MYO7A: variants seen among roughly 807,000 people sequenced by gnomAD.
The protein encoded by MYO7A is myosin VIIA.
Under a neutral mutation model 263.8 loss-of-function variants are expected in MYO7A, and 210 were observed. The observed-to-expected ratio is 0.80, with a 90% CI of 0.71 to 0.89. MYO7A has a LOEUF of 0.89. Ranked by LOEUF, MYO7A falls within the 40% of genes least tolerant of loss-of-function variation. The probability of loss-of-function intolerance (pLI) is 0.00; values close to 1 mark genes in which losing one functional copy is unlikely to be tolerated. For synonymous variants in MYO7A, 1,239 were observed against 1,197.3 expected (o/e 1.03, Z -0.72); for missense variants, 2,820 against 2,968.3 (o/e 0.95, Z 1.16).
intron 14 of MYO7A, among the ~76,000 whole-genome samples, chr11:77,164,999 T>C (rs1555071591): frequency 6.6e-6 from 1 of 152,212 alleles, no homozygotes; most frequent in East Asian, 1.9e-4. Context: ...TGGTATTAGG[T>C]GTTCTGAAGA....
chr11:77,204,961 A>C (rs1051802827), intron 39 of MYO7A, among the ~76,000 whole-genome samples: 1 of 152,194 alleles, frequency 6.6e-6, no homozygotes, highest in African/African-American at 2.4e-5. Context: ...TCCTCCTAGA[A>C]GCCCTCCAAA....
intron 15 of MYO7A, among the ~76,000 whole-genome samples, chr11:77,166,681 C>T (rs987227383): frequency 6.6e-6 from 1 of 152,140 alleles, no homozygotes; most frequent in African/African-American, 2.4e-5. Context: ...TTCATATTTT[C>T]CTCCTGTCCC....
intron 45 of MYO7A, 134 bp downstream of exon 45, chr11:77,211,471 C>T (rs952877106): frequency 3.9e-6 from 4 of 1,032,026 alleles, no homozygotes; most frequent in South Asian, 3.3e-5. Context: ...ATGAGGCCGC[C>T]CACCCTTGTT....
rs574697028 is a variant in MYO7A at position 77,213,955 on chromosome 11, C to T, written c.6534C>T (p.Ser2178=). The change falls in exon 48 of 49, where the codon AGC becomes AGT. Residue 2178 remains serine (S), a synonymous_variant. Transcript: ENST00000409709. The part of the protein sequence containing the change: ...HITIGNLVRG[S]KLLCETSLGY... ...CCATTGGGAACTTGGTGCGCGGGAG[C>T]AAACTGCTCTGCGAGACGTCACTGG... The T allele has an allele frequency of 6.2e-7, 1 of 1,614,062 alleles. No homozygotes were observed. The highest frequency in any genetic ancestry group is 1.7e-5 in the Admixed American group (1 of 60,036).
At chr11:77,158,255 A>T (rs1952679004) in intron 8 of MYO7A, 22 bp from the exon 9 acceptor site, 3 of 1,564,088 alleles carry the variant, frequency 1.9e-6, no homozygotes, top group East Asian at 4.6e-5. Flanking sequence ...CTTGCACCCC[A>T]CTCTCCCACC....
At chr11:77,148,099 C>T in intron 4 of MYO7A, 149 bp downstream of exon 4, 3 of 740,808 alleles carry the variant, frequency 4.0e-6, no homozygotes, top group Non-Finnish European at 6.1e-6. Flanking sequence ...GACCCCGGGG[C>T]CCCTGCTGGG....
intron 25 of MYO7A, 84 bp downstream of exon 25, chr11:77,182,684 C>CAAAAAAAAA: frequency 7.3e-7 from 1 of 1,367,538 alleles, no homozygotes; most frequent in African/African-American, 1.9e-5. Flanking sequence ...GGCTCCTCTG[C>CAAAAAAAAA]AGAAAAAGGA....
chr11:77,190,611 C>G lies in MYO7A; in HGVS notation c.3751-86C>G. 9 of 1,148,662 alleles carry G rather than the reference C, an allele frequency of 7.8e-6. 1 individual carries two copies. The South Asian group carries it at 1.2e-4, about 15-fold the overall frequency. The allele number at this position is 1,148,662 out of a possible 1,614,324, so 71.2% of individuals were successfully genotyped here. Reference sequence around the variant, plus strand: ...CCTGGGGTGCTGGGGCACCTCCAACCCCACAGAAAGCAGAGAGCCAAAGTC... The same window carrying G: ...CCTGGGGTGCTGGGGCACCTCCAACGCCACAGAAAGCAGAGAGCCAAAGTC... On this transcript the variant is annotated intron_variant, in intron 29 of 48. Transcript: ENST00000409709.
chr11:77,183,013 T>C (rs1473396115), intron 25 of MYO7A, 55 bp from the exon 26 acceptor site: 1 of 1,436,930 alleles, frequency 7.0e-7, no homozygotes, highest in Non-Finnish European at 9.6e-7. Context: ...CTGTCGGGGG[T>C]CTCGACATTG....
At chr11:77,214,064 T>C (rs1565495707) in intron 48 of MYO7A, 85 bp downstream of exon 48, 3 of 1,572,458 alleles carry the variant, frequency 1.9e-6, no homozygotes, top group South Asian at 1.2e-5. Flanking sequence ...ACAAACACAG[T>C]AGTGTGCGGC....
In MYO7A at chr11:77,166,096, T is replaced by C. The variant is rs782204980; in HGVS notation, c.1731T>C (p.Ile577=). ...ACCGAGACACCCTGCATGGGGACAT[T>C]ATCCAGCTGGTCCACTCCTCCAGGA... ...EKNRDTLHGD[I]IQLVHSSRNK... is the part of the protein sequence containing the mutation. The change falls in exon 15 of 49, where the codon ATT becomes ATC. Residue 577 remains isoleucine, a synonymous_variant. Coordinates refer to ENST00000409709, the MANE Select transcript of MYO7A (RefSeq NM_000260.4). 3 of 1,613,744 alleles carry C rather than the reference T, an allele frequency of 1.9e-6. No individual in the cohort carries two copies. The South Asian group carries it at 3.3e-5, about 18-fold the overall frequency.
At chr11:77,193,727 C>T (rs1003181988) in intron 31 of MYO7A, among the ~76,000 whole-genome samples, 1 of 152,188 alleles carries the variant, frequency 6.6e-6, no homozygotes, top group African/African-American at 2.4e-5. Context: ...TCTCTATGCC[C>T]TTGCTGCTGG....
chr11:77,184,207 C>G (rs1195082990), intron 26 of MYO7A, among the ~76,000 whole-genome samples: 1 of 152,102 alleles, frequency 6.6e-6, no homozygotes, highest in African/African-American at 2.4e-5. Flanking sequence ...GAGTATACTC[C>G]AGGTGCCACA....
At chr11:77,165,174 C>G (rs1309562340) in intron 14 of MYO7A, among the ~76,000 whole-genome samples, 2 of 152,228 alleles carry the variant, frequency 1.3e-5, no homozygotes, top group African/African-American at 4.8e-5. Flanking sequence ...GTGTCCCCTG[C>G]AACTCGCCCC....
At chr11:77,144,866 C>T (rs1405627575) in intron 3 of MYO7A, among the ~76,000 whole-genome samples, 3 of 152,228 alleles carry the variant, frequency 2.0e-5, no homozygotes, top group Middle Eastern at 3.2e-3. Context: ...TTCCCTTCCT[C>T]TAGGGAGCAA....
intron 2 of MYO7A, among the ~76,000 whole-genome samples, chr11:77,134,994 AG>A (rs1468244016): frequency 6.6e-6 from 1 of 152,090 alleles, no homozygotes; most frequent in African/African-American, 2.4e-5. Context: ...CATGTTGGCC[AG>A]GCTGGTCTTG....
At chr11:77,148,038 C>A in intron 4 of MYO7A, 88 bp downstream of exon 4, 1 of 1,224,310 alleles carries the variant, frequency 8.2e-7, no homozygotes, top group Non-Finnish European at 1.1e-6. Context: ...TTGCCTCCGG[C>A]CCCGCCCTGC....
At chr11:77,205,697 G>A in intron 40 of MYO7A, 80 bp downstream of exon 40, 1 of 1,576,016 alleles carries the variant, frequency 6.3e-7, no homozygotes, top group East Asian at 2.3e-5. Flanking sequence ...AGCCCCTTGG[G>A]GATGAGGACC....
intron 2 of MYO7A, 108 bp downstream of exon 2, chr11:77,130,760 C>A: frequency 7.7e-7 from 1 of 1,303,922 alleles, no homozygotes; most frequent in Non-Finnish European, 1.1e-6. Context: ...TGGAAAATTC[C>A]TGCCTAGGCT....
Sources: allele counts gnomAD v4.1 joint callset (sites outside exome capture counted in the v4.1 genomes callset), GRCh38; gene constraint gnomAD v4.1.1; transcripts MANE v1.5; gene names NCBI Gene and HGNC (gene_info 2026-07-23, HGNC 2026-07-21).